TNR: variants seen among roughly 807,000 people sequenced by gnomAD.
TNR encodes tenascin R, also known as tenascin-R.
TNR carries 45 observed loss-of-function variants against 150.4 expected under a neutral mutation model. That is an observed-to-expected ratio of 0.30 (90% CI 0.24 to 0.38). The LOEUF is 0.38. Ranked by LOEUF, TNR falls within the 10% of genes least tolerant of loss-of-function variation. TNR has a pLI of 1.00. For synonymous variants in TNR, 687 were observed against 678.4 expected (o/e 1.01, Z -0.20); for missense variants, 1,544 against 1,759.1 (o/e 0.88, Z 2.19).
intron 7 of TNR, among the ~76,000 whole-genome samples, chr1:175,390,856 T>A (rs1283468983): frequency 6.6e-6 from 1 of 152,256 alleles, no homozygotes; most frequent in Admixed American, 6.5e-5. Flanking sequence ...GAAGGTATTC[T>A]TGTTTATCAT....
chr1:175,398,197 C>A (rs1653524520), intron 4 of TNR, among the ~76,000 whole-genome samples: 1 of 152,136 alleles, frequency 6.6e-6, no homozygotes, highest in African/African-American at 2.4e-5. Context: ...TTTAACAGAT[C>A]CAAGACTCAC....
chr1:175,702,047 G>C (rs1047086400), intron 1 of TNR, among the ~76,000 whole-genome samples: 7 of 152,136 alleles, frequency 4.6e-5, no homozygotes, highest in African/African-American at 1.4e-4. Context: ...AAACAGTCTT[G>C]CCCCTTAATT....
At chr1:175,621,817 C>T (rs1453651793) in intron 1 of TNR, among the ~76,000 whole-genome samples, 3 of 152,144 alleles carry the variant, frequency 2.0e-5, no homozygotes, top group Non-Finnish European at 4.4e-5. Context: ...TATGGCTGTC[C>T]TACCTTTCCT....
At chr1:175,513,919 C>G (rs749101776) in intron 2 of TNR, among the ~76,000 whole-genome samples, 16 of 152,162 alleles carry the variant, frequency 1.1e-4, no homozygotes, top group Non-Finnish European at 1.9e-4. Context: ...TTTGGAGTAT[C>G]TGCATTTCTA....
intron 1 of TNR, among the ~76,000 whole-genome samples, chr1:175,629,128 C>T (rs960065086): frequency 1.3e-5 from 2 of 152,058 alleles, no homozygotes; most frequent in African/African-American, 2.4e-5. Flanking sequence ...GGAGATGATT[C>T]GCCTCCTCTC....
intron 1 of TNR, among the ~76,000 whole-genome samples, chr1:175,612,422 G>A (rs905719577): frequency 6.6e-6 from 1 of 152,186 alleles, no homozygotes; most frequent in African/African-American, 2.4e-5. Context: ...TCTTGTTGCA[G>A]AGGAAATTCA....
Position 175,599,516 on chromosome 1 carries a change from C to T in TNR, c.-164-71147G>A, listed in dbSNP as rs1663148075. Among the ~76,000 whole-genome samples the T allele has an allele frequency of 1.3e-5, 2 of 152,234 alleles. No individual in the cohort carries two copies. The highest frequency in any genetic ancestry group is 4.1e-4 in the South Asian group (2 of 4,828). On this transcript the variant is annotated intron_variant, in intron 1 of 22. Coordinates refer to ENST00000367674, the MANE Select transcript of TNR (RefSeq NM_003285.3). This position sits in a 1 kb window ranked among gnomAD's most constrained non-coding sequence, Gnocchi z 4.7. ...GTGACGGAGTAATTCGCAGATGCCA[C>T]CGAGCGGTGGGGCGGCGCGGTTAAT...
intron 2 of TNR, among the ~76,000 whole-genome samples, chr1:175,451,289 T>A (rs1656306414): frequency 6.6e-6 from 1 of 151,934 alleles, no homozygotes; most frequent in African/African-American, 2.4e-5. Context: ...GTTATATATG[T>A]ATACATGTGC....
chr1:175,370,340 T>G (rs986899363), intron 9 of TNR, among the ~76,000 whole-genome samples: 1 of 7,538 alleles, frequency 1.3e-4, no homozygotes, highest in African/African-American at 2.9e-4. Context: ...TTTGAGTACT[T>G]TTTTTTTTTT....
intron 2 of TNR, among the ~76,000 whole-genome samples, chr1:175,446,143 T>A (rs1656036714): frequency 6.6e-6 from 1 of 152,190 alleles, no homozygotes; most frequent in East Asian, 1.9e-4. Context: ...GGTTTCTAAT[T>A]CAGGGCATTT....
chr1:175,418,683 C>G (rs560190334), intron 2 of TNR, among the ~76,000 whole-genome samples: 1 of 151,400 alleles, frequency 6.6e-6, no homozygotes, highest in South Asian at 2.1e-4. Flanking sequence ...GAGATTGTGC[C>G]GCTGCACTCC....
chr1:175,552,420 T>C (rs536625862), intron 1 of TNR, among the ~76,000 whole-genome samples: 2 of 152,348 alleles, frequency 1.3e-5, no homozygotes, highest in African/African-American at 4.8e-5. Flanking sequence ...TCTACCCATA[T>C]GGTGCTGTCC....
chr1:175,639,061 A>G (rs1004149744), intron 1 of TNR, among the ~76,000 whole-genome samples: 8 of 152,146 alleles, frequency 5.3e-5, no homozygotes. Flanking sequence ...CTCCACTTCT[A>G]TGGCACGCAC....
At chr1:175,584,006 C>T (rs1662470930) in intron 1 of TNR, among the ~76,000 whole-genome samples, 1 of 152,108 alleles carries the variant, frequency 6.6e-6, no homozygotes, top group Admixed American at 6.5e-5. Flanking sequence ...ACCTGGACAC[C>T]TTTCTTGACC....
intron 1 of TNR, among the ~76,000 whole-genome samples, chr1:175,605,727 A>G (rs568141288): frequency 2.6e-4 from 39 of 151,388 alleles, no homozygotes; most frequent in African/African-American, 9.2e-4. Flanking sequence ...TGGCCAATTG[A>G]TTTTTTTTTC....
intron 1 of TNR, among the ~76,000 whole-genome samples, chr1:175,723,390 C>T (rs1667370606): frequency 6.6e-6 from 1 of 152,188 alleles, no homozygotes; most frequent in Non-Finnish European, 1.5e-5. Context: ...CATCTCCACT[C>T]AGTCTCCAAA....
At chr1:175,509,649 G>A (rs1035776578) in intron 2 of TNR, among the ~76,000 whole-genome samples, 3 of 152,118 alleles carry the variant, frequency 2.0e-5, no homozygotes, top group Non-Finnish European at 4.4e-5. Flanking sequence ...TCCAGAAAAT[G>A]ATCTTTTCCA....
chr1:175,488,092 A>C (rs577166801), intron 2 of TNR, among the ~76,000 whole-genome samples: 2 of 152,330 alleles, frequency 1.3e-5, no homozygotes, highest in African/African-American at 4.8e-5. Context: ...CACTCTGTGC[A>C]AACTGTGAGG....
chr1:175,428,748 T>A (rs925289494), intron 2 of TNR, among the ~76,000 whole-genome samples: 1 of 152,242 alleles, frequency 6.6e-6, no homozygotes, highest in African/African-American at 2.4e-5. Flanking sequence ...TCAAGCTTTT[T>A]TCCCCCTGTG....
Sources: gnomAD v4.1 joint callset for allele counts (sites outside exome capture counted in the v4.1 genomes callset) on GRCh38, gnomAD v4.1.1 for gene constraint, Gnocchi (gnomAD v3.1) non-coding constraint, MANE v1.5 for transcripts, NCBI Gene and HGNC (gene_info 2026-07-23, HGNC 2026-07-21) for gene names.